APBA1: variants seen among roughly 807,000 people sequenced by gnomAD.
The protein encoded by APBA1 is amyloid-beta A4 precursor protein-binding family A member 1.
In APBA1, 55 loss-of-function variants were observed where a neutral mutation model predicts 86.6. The ratio of observed to expected loss-of-function variants is 0.64; its 90% confidence interval spans 0.51 to 0.80. The LOEUF (loss-of-function observed/expected upper bound fraction) is 0.80. Among genes scored for constraint, APBA1 ranks in the 30% least tolerant of loss-of-function variants. The pLI, the probability that APBA1 is intolerant of heterozygous loss-of-function variation, is 0.00. For synonymous variants in APBA1, 511 were observed against 493.9 expected (o/e 1.03, Z -0.46); for missense variants, 1,090 against 1,183.0 (o/e 0.92, Z 1.15).
intron 1 of APBA1, among the ~76,000 whole-genome samples, chr9:69,667,383 T>A (rs1184037996): frequency 6.6e-6 from 1 of 152,058 alleles, no homozygotes; most frequent in Non-Finnish European, 1.5e-5. Context: ...TGGGTAATGA[T>A]CTTTTATTCA....
intron 1 of APBA1, among the ~76,000 whole-genome samples, chr9:69,557,083 T>C (rs771578203): frequency 3.3e-5 from 5 of 152,220 alleles, no homozygotes; most frequent in Non-Finnish European, 5.9e-5. Flanking sequence ...ATTAGGAGGC[T>C]ATACACCAAA....
intron 1 of APBA1, among the ~76,000 whole-genome samples, chr9:69,639,878 C>T (rs1254796506): frequency 6.6e-6 from 1 of 152,064 alleles, no homozygotes; most frequent in Non-Finnish European, 1.5e-5. Flanking sequence ...TTAGAAAAAG[C>T]ACTTATGAAA....
At chr9:69,476,179 G>A (rs768693078) in intron 2 of APBA1, 36 bp from the exon 3 acceptor site, 4 of 1,509,194 alleles carry the variant, frequency 2.7e-6, no homozygotes, top group Non-Finnish European at 3.7e-6. Flanking sequence ...GTGAGAACTT[G>A]AGAGACTCGG....
intron 1 of APBA1, among the ~76,000 whole-genome samples, chr9:69,618,321 G>T (rs73647266): frequency 0.074 from 11,231 of 152,170 alleles, 596 homozygotes; most frequent in African/African-American, 0.14. Context: ...GAACCACTCA[G>T]CTTCTCTTGA....
intron 1 of APBA1, among the ~76,000 whole-genome samples, chr9:69,583,196 T>C (rs1017520470): frequency 3.9e-5 from 6 of 152,168 alleles, no homozygotes; most frequent in African/African-American, 1.4e-4. Context: ...GTGGAAATGC[T>C]ATATAGACTG....
chr9:69,456,217 C>T (rs1179349776), intron 8 of APBA1, 30 bp downstream of exon 8: 1 of 1,613,566 alleles, frequency 6.2e-7, no homozygotes. Context: ...GAACCTAACC[C>T]AAAAGGAGAT....
intron 1 of APBA1, among the ~76,000 whole-genome samples, chr9:69,619,561 T>C (rs577150177): frequency 6.6e-6 from 1 of 152,272 alleles, no homozygotes; most frequent in South Asian, 2.1e-4. Flanking sequence ...TCAAGAGCCA[T>C]ACAAAGGCAG....
intron 11 of APBA1, among the ~76,000 whole-genome samples, chr9:69,439,703 T>G (rs1834774317): frequency 6.6e-6 from 1 of 152,196 alleles, no homozygotes; most frequent in African/African-American, 2.4e-5. Context: ...TTTCAAAGTT[T>G]TTCACTTCTT....
chr9:69,441,182 C>T, intron 10 of APBA1, 67 bp from the exon 11 acceptor site: 1 of 1,551,720 alleles, frequency 6.4e-7, no homozygotes, highest in South Asian at 1.2e-5. Context: ...CAAAAGCAGG[C>T]AGCACCAAAG....
At chr9:69,524,209 G>C (rs2133899359) in intron 1 of APBA1, among the ~76,000 whole-genome samples, 1 of 152,094 alleles carries the variant, frequency 6.6e-6, no homozygotes, top group Middle Eastern at 3.4e-3. Flanking sequence ...CCCAAAGCTA[G>C]CAGAAAAGAA....
intron 1 of APBA1, among the ~76,000 whole-genome samples, chr9:69,542,425 T>C (rs1836628594): frequency 6.6e-6 from 1 of 152,252 alleles, no homozygotes; most frequent in South Asian, 2.1e-4. Flanking sequence ...GCATTTAAAA[T>C]TCCTCCATGT....
At chr9:69,663,681 T>G (rs1047952155) in intron 1 of APBA1, among the ~76,000 whole-genome samples, 2 of 152,218 alleles carry the variant, frequency 1.3e-5, no homozygotes, top group African/African-American at 4.8e-5. Flanking sequence ...AAATCATTGC[T>G]GTATTTGCTG....
chr9:69,664,363 GA>G (rs1251346779), intron 1 of APBA1, among the ~76,000 whole-genome samples: 1 of 152,118 alleles, frequency 6.6e-6, no homozygotes, highest in Non-Finnish European at 1.5e-5. Context: ...AGGAAGAAAG[GA>G]TAAAACAAAC....
chr9:69,568,310 T>C (rs1837062922), intron 1 of APBA1, among the ~76,000 whole-genome samples: 4 of 152,206 alleles, frequency 2.6e-5, no homozygotes. Flanking sequence ...AGTTTTCTCT[T>C]CACTTTAGGA....
At chr9:69,593,400 A>C (rs1361284327) in intron 1 of APBA1, among the ~76,000 whole-genome samples, 2 of 152,228 alleles carry the variant, frequency 1.3e-5, no homozygotes, top group African/African-American at 2.4e-5. Context: ...AATGTGTCAT[A>C]TTTCACTTGC....
At chr9:69,583,032 T>A (rs148132141) in intron 1 of APBA1, among the ~76,000 whole-genome samples, 319 of 152,326 alleles carry the variant, frequency 2.1e-3, no homozygotes, top group African/African-American at 7.5e-3. Flanking sequence ...AGCTAAGGAA[T>A]CTGGTATGGC....
chr9:69,594,683 CA>C lies in APBA1; in HGVS notation c.-69-77405del, dbSNP rs556026731. Among the ~76,000 whole-genome samples, 615 of 152,164 alleles carry C rather than the reference CA, an allele frequency of 4.0e-3. 3 individuals carry two copies. Among genetic ancestry groups the C allele is most frequent in the Non-Finnish European group, 6.6e-3 (446 of 67,990 alleles). On this transcript the variant is annotated intron_variant, in intron 1 of 12. Coordinates refer to ENST00000265381, the MANE Select transcript of APBA1 (RefSeq NM_001163.4). ...TGAGGATTCTTGGTGAGAATATGAA[CA>C]AAACCCTAACAAAAAAGGCACACGT... is the stretch of plus-strand genomic sequence containing the variant.
In APBA1 at chr9:69,516,282, C is replaced by A. The variant is rs1237016932; in HGVS notation, c.929G>T (p.Arg310Leu). 16 of 1,479,804 alleles carry A rather than the reference C, an allele frequency of 1.1e-5. No individual in the cohort carries two copies. Among genetic ancestry groups the A allele is most frequent in the South Asian group, 1.1e-4 (8 of 76,076 alleles). The allele number at this position is 1,479,804 out of a possible 1,614,324, so 91.7% of individuals were successfully genotyped here. ...CGCCTGCAGCCCGGGGCTGTCGGGG[C>A]GACCCCCGGCCGGGGTAGGGGGACG... ...LERPPTPAGG[R>L]PDSPGLQAPA... Residue 310 changes from arginine (R) to leucine (L), a missense_variant, in exon 2 of 13, where the codon CGC becomes CTC. Arg to Leu is a moderately radical substitution (Grantham distance 102). Coordinates refer to ENST00000265381, the MANE Select transcript of APBA1 (RefSeq NM_001163.4). This position sits in a 1 kb window ranked among gnomAD's most constrained non-coding sequence, Gnocchi z 7.3.
At chr9:69,628,718 T>C (rs1195070858) in intron 1 of APBA1, among the ~76,000 whole-genome samples, 1 of 152,212 alleles carries the variant, frequency 6.6e-6, no homozygotes, top group Non-Finnish European at 1.5e-5. Context: ...AATCTTATTA[T>C]ACTATACAGG....
Sources: gnomAD v4.1 joint callset for allele counts (sites outside exome capture counted in the v4.1 genomes callset) on GRCh38, gnomAD v4.1.1 for gene constraint, Gnocchi (gnomAD v3.1) non-coding constraint, MANE v1.5 for transcripts, NCBI Gene and HGNC (gene_info 2026-07-23, HGNC 2026-07-21) for gene names.